The following MAPT variants were observed in gnomAD, a reference collection of about 807,000 sequenced individuals.
MAPT encodes microtubule-associated protein tau.
Under a neutral mutation model 67.9 loss-of-function variants are expected in MAPT, and 34 were observed. The ratio of observed to expected loss-of-function variants is 0.50; its 90% CI spans 0.38 to 0.67. MAPT has a LOEUF of 0.67. Among genes scored for constraint, MAPT ranks in the 30% least tolerant of loss-of-function variants. The pLI, the probability that MAPT is intolerant of heterozygous loss-of-function variation, is 0.00. For missense variants in MAPT, 881 were observed against 1,115.2 expected (o/e 0.79, Z 2.99); for synonymous variants, 456 against 464.5 (o/e 0.98, Z 0.23).
At chr17:45,986,950 A>G in intron 5 of MAPT, 90 bp from the exon 6 acceptor site, 1 of 1,138,466 alleles carries the variant, frequency 8.8e-7, no homozygotes, top group South Asian at 1.3e-5. Flanking sequence ...ACATGGACCT[A>G]TCCCAGAGAA....
intron 1 of MAPT, among the ~76,000 whole-genome samples, chr17:45,941,682 C>A: frequency 1.9e-5 from 1 of 53,598 alleles, no homozygotes; most frequent in Non-Finnish European, 3.4e-5. Flanking sequence ...CCCCTTCCCT[C>A]CTTCCTTCCT....
At chr17:45,956,817 A>G (rs1254677238) in intron 1 of MAPT, among the ~76,000 whole-genome samples, 8 of 150,754 alleles carry the variant, frequency 5.3e-5, no homozygotes, top group Admixed American at 2.0e-4. Flanking sequence ...TCATTGTTCA[A>G]TTCCCACCTA....
chr17:45,903,394 C>A lies in MAPT; in HGVS notation c.-18+8708C>A, dbSNP rs534243407. On this transcript the variant is annotated intron_variant, in intron 1 of 12. Coordinates refer to ENST00000262410, the MANE Select transcript of MAPT (RefSeq NM_001377265.1). ...CATCCCCCTCCCATGGCCTGTCCCC[C>A]AAAAAGAGACTTCTTGGGTAATTAA... 2.0e-4 allele frequency among the ~76,000 whole-genome samples: 30 copies of A among 152,054 alleles called. No individual in the cohort carries two copies. In the East Asian group the frequency reaches 5.4e-3, roughly 27 times the overall value.
chr17:45,962,362 G>C lies in MAPT; in HGVS notation c.25G>C (p.Glu9Gln). Residue 9 changes from glutamate to glutamine, a missense_variant, in exon 2 of 13, where the codon GAA becomes CAA. Physicochemically the swap from Glu to Gln is conservative, Grantham distance 29. Around this residue, in one of 6 missense-constraint regions of MAPT, gnomAD observed 687 missense variants for 766.1 expected, o/e 0.90. Coordinates refer to ENST00000262410, the MANE Select transcript of MAPT (RefSeq NM_001377265.1). MAEPRQEF[E>Q]VMEDHAGTYG... ...GATGGCTGAGCCCCGCCAGGAGTTC[G>C]AAGTGATGGAAGATCACGCTGGGAC... 2 of 1,612,152 alleles carry C rather than the reference G, an allele frequency of 1.2e-6. No individual in the cohort carries two copies. The highest frequency in any genetic ancestry group is 8.5e-7 in the Non-Finnish European group (1 of 1,179,842).
chr17:46,025,393 C>T lies in MAPT; in HGVS notation c.*1222C>T, dbSNP rs553287449. 1.7e-4 allele frequency: 26 copies of T among 153,016 alleles called. No homozygotes were observed. The highest frequency in any genetic ancestry group is 6.3e-4 in the African/African-American group (26 of 41,534). 9.5% of individuals were successfully genotyped at this position (153,016 alleles called of 1,614,324 possible). A position where few individuals can be genotyped will look rare whatever the true frequency, so the allele number is the denominator to read the frequency against. On this transcript the variant is annotated 3_prime_UTR_variant, in exon 13 of 13. Transcript: ENST00000262410. ...CCCCTCATCACACGTCACAATGTCC[C>T]GAATTCCCAGCCTCACCACCCCTTC...
chr17:45,924,189 C>A (rs1269396543), intron 1 of MAPT, among the ~76,000 whole-genome samples: 8 of 152,084 alleles, frequency 5.3e-5, no homozygotes, highest in Admixed American at 5.2e-4. Context: ...GGCAGCCCCC[C>A]AGACTCCCAA....
At chr17:45,903,134 G>A (rs1248719444) in intron 1 of MAPT, among the ~76,000 whole-genome samples, 1 of 152,170 alleles carries the variant, frequency 6.6e-6, no homozygotes, top group East Asian at 1.9e-4. Context: ...AGACGCCACA[G>A]AATGCCAAGA....
At chr17:45,928,118 A>G (rs2144622508) in intron 1 of MAPT, among the ~76,000 whole-genome samples, 1 of 152,060 alleles carries the variant, frequency 6.6e-6, no homozygotes, top group Non-Finnish European at 1.5e-5. Context: ...TTTCTACTCT[A>G]ACCAGTTGTC....
chr17:46,008,201 A>C lies in MAPT; in HGVS notation c.1999-2109A>C, dbSNP rs147986904. 1.4e-3 allele frequency among the ~76,000 whole-genome samples: 208 copies of C among 152,246 alleles called. 2 individuals are homozygous for C. Among genetic ancestry groups the C allele is most frequent in the African/African-American group, 4.8e-3 (201 of 41,546 alleles). On this transcript the variant is annotated intron_variant, in intron 9 of 12. Coordinates refer to ENST00000262410, the MANE Select transcript of MAPT (RefSeq NM_001377265.1). ...AACCTCCATCTCCCGGGTTCAAGCT[A>C]TTCTCCTTCCTCAACCTCCCGAGTA...
At chr17:45,907,383 C>A (rs1292594017) in intron 1 of MAPT, among the ~76,000 whole-genome samples, 4 of 152,222 alleles carry the variant, frequency 2.6e-5, no homozygotes, top group African/African-American at 9.6e-5. Flanking sequence ...CAGCGCCGTG[C>A]TCCCCAGTGC....
rs1399543785 is a variant in MAPT, at chr17:46,025,061, T to G, written c.*890T>G. 2 of 151,018 alleles carry G rather than the reference T, an allele frequency of 1.3e-5. No homozygotes were observed. The highest frequency in any genetic ancestry group is 3.0e-5 in the Non-Finnish European group (2 of 67,288). The allele number at this position is 151,018 out of a possible 1,614,324, so 9.4% of individuals were successfully genotyped here. On this transcript the variant is annotated 3_prime_UTR_variant, in exon 13 of 13. Coordinates refer to ENST00000262410, the MANE Select transcript of MAPT (RefSeq NM_001377265.1). ...CTCCCTCCCTGCAGGGTAGGGGGCC[T>G]GAGTTGAGGGGCTTCCCTCTGCTCC...
At chr17:45,941,733 T>TCCTTCCTG (rs2068005292) in intron 1 of MAPT, among the ~76,000 whole-genome samples, 1 of 59,856 alleles carries the variant, frequency 1.7e-5, no homozygotes, top group Non-Finnish European at 4.6e-5. Flanking sequence ...CTTCCTTCCT[T>TCCTTCCTG]CCTTCCTTCC....
chr17:45,946,567 C>A (rs947893049), intron 1 of MAPT, among the ~76,000 whole-genome samples: 1 of 141,704 alleles, frequency 7.1e-6, no homozygotes, highest in Non-Finnish European at 1.5e-5. Context: ...CCACCACACT[C>A]CAGCCTGGGC....
intron 4 of MAPT, chr17:45,980,448 G>A (rs2072824925): frequency 1.4e-5 from 2 of 140,744 alleles, no homozygotes; most frequent in Admixed American, 7.3e-5. Flanking sequence ...AGGTTGCTGT[G>A]AGCCGAGATC....
At chr17:46,002,455 T>G (rs537300345) in intron 9 of MAPT, among the ~76,000 whole-genome samples, 1 of 151,972 alleles carries the variant, frequency 6.6e-6, no homozygotes, top group African/African-American at 2.4e-5. Flanking sequence ...ACCCTGTGAC[T>G]GCCAGCGGGG....
intron 1 of MAPT, among the ~76,000 whole-genome samples, chr17:45,914,010 C>T (rs9914458): frequency 0.027 from 4,153 of 151,794 alleles, 191 homozygotes; most frequent in African/African-American, 0.095. Flanking sequence ...AATATCCAGG[C>T]CTGATAAAAG....
chr17:46,022,918 A>G (rs771174757), intron 12 of MAPT, among the ~76,000 whole-genome samples: 61 of 150,894 alleles, frequency 4.0e-4, no homozygotes, highest in Non-Finnish European at 7.8e-4. Flanking sequence ...TAGATAGATA[A>G]ATAGATGGAT....
chr17:46,013,044 G>A (rs185022506), intron 10 of MAPT, among the ~76,000 whole-genome samples: 5 of 152,262 alleles, frequency 3.3e-5, no homozygotes, highest in Admixed American at 2.0e-4. Context: ...AAAATAATTC[G>A]GGATGGTTCC....
At chr17:45,961,958 A>G (rs1362339448) in intron 1 of MAPT, among the ~76,000 whole-genome samples, 2 of 152,008 alleles carry the variant, frequency 1.3e-5, no homozygotes, top group Non-Finnish European at 2.9e-5. Context: ...TATTTTTAGT[A>G]GAGATGGGGT....
Sources: gnomAD v4.1 joint callset for allele counts (sites outside exome capture counted in the v4.1 genomes callset) on GRCh38, gnomAD v4.1.1 for gene constraint, gnomAD v4.1.1 regional missense constraint, MANE v1.5 for transcripts, NCBI Gene and HGNC (gene_info 2026-07-23, HGNC 2026-07-21) for gene names.